The following DNAI7 variants were observed in gnomAD, a reference collection of about 807,000 sequenced individuals.
DNAI7 encodes dynein axonemal intermediate chain 7, also known as cancer susceptibility 1.
In DNAI7, 78 loss-of-function variants were observed where a neutral mutation model predicts 86.6. The ratio of observed to expected loss-of-function variants is 0.90; its 90% CI spans 0.75 to 1.09. The LOEUF (loss-of-function observed/expected upper bound fraction) is 1.09, where lower values mean the gene tolerates loss of function less well. Among genes scored for constraint, DNAI7 ranks in the 50% least tolerant of loss-of-function variants. DNAI7 has a pLI of 0.00. For synonymous variants in DNAI7, 274 were observed against 273.0 expected, an observed-to-expected ratio of 1.00 and a Z score of -0.04; for missense variants, 753 against 810.2, an observed-to-expected ratio of 0.93 and a Z score of 0.86.
chr12:25,108,486 G>T lies in DNAI7; in HGVS notation c.*62C>A. 1 of 1,410,502 alleles carries T rather than the reference G, an allele frequency of 7.1e-7. No individual in the cohort carries two copies. The highest frequency in any genetic ancestry group is 2.1e-5 in the Admixed American group (1 of 46,602). The allele number at this position is 1,410,502 out of a possible 1,614,324, so 87.4% of individuals were successfully genotyped here. A position where few individuals can be genotyped will look rare whatever the true frequency, so the allele number is the denominator to read the frequency against. On this transcript the variant is annotated 3_prime_UTR_variant, in exon 16 of 16. Coordinates refer to ENST00000395987, the MANE Select transcript of DNAI7 (RefSeq NM_018272.5). ...CATTCACTCATTACATTGTGTTGCA[G>T]AAATACCTGTCTTTCACCATGCTTG...
At chr12:25,120,317 G>GAGAGAGA (rs1941020491) in intron 11 of DNAI7, among the ~76,000 whole-genome samples, 4 of 80,766 alleles carry the variant, frequency 5.0e-5, no homozygotes, top group Admixed American at 1.6e-4. Context: ...GCAGGAAGAG[G>GAGAGAGA]GAGAGAGAGA....
chr12:25,127,168 A>G (rs1942263022), intron 9 of DNAI7, among the ~76,000 whole-genome samples: 1 of 152,198 alleles, frequency 6.6e-6, no homozygotes, highest in Non-Finnish European at 1.5e-5. Flanking sequence ...AAGCTCCTTA[A>G]TTTTGATAAC....
intron 9 of DNAI7, among the ~76,000 whole-genome samples, chr12:25,131,675 T>C (rs1396832419): frequency 1.3e-5 from 2 of 152,166 alleles, no homozygotes; most frequent in Non-Finnish European, 2.9e-5. Context: ...ATCTTAAGTA[T>C]CTCTCAAAAG....
rs540242728 is a variant in DNAI7 at position 25,168,536 on chromosome 12, C to A, written c.22-7339G>T. ...CCACAAACTTTATCAGTCCTCCAGG[C>A]CCAAGTTGACTCTTTAGCTGCAGTT... On this transcript the variant is annotated intron_variant, in intron 2 of 15. Coordinates refer to ENST00000395987, the MANE Select transcript of DNAI7 (RefSeq NM_018272.5). Among the ~76,000 whole-genome samples, 34 of 152,280 alleles carry A rather than the reference C, an allele frequency of 2.2e-4. 1 individual carries two copies. Among genetic ancestry groups the A allele is most frequent in the African/African-American group, 7.7e-4 (32 of 41,548 alleles).
intron 9 of DNAI7, among the ~76,000 whole-genome samples, chr12:25,130,832 A>G (rs1219681792): frequency 6.6e-6 from 1 of 152,120 alleles, no homozygotes; most frequent in Non-Finnish European, 1.5e-5. Flanking sequence ...AATACCTATA[A>G]TATTATTAGT....
chr12:25,123,802 C>T (rs1465732506), intron 9 of DNAI7, among the ~76,000 whole-genome samples: 1 of 152,120 alleles, frequency 6.6e-6, no homozygotes, highest in East Asian at 1.9e-4. Flanking sequence ...CCTTTCTGAC[C>T]TTGAGCAAGT....
chr12:25,158,692 G>A (rs1424200739), intron 3 of DNAI7, 129 bp from the exon 4 acceptor site: 1 of 1,494,456 alleles, frequency 6.7e-7, no homozygotes, highest in Non-Finnish European at 8.9e-7. Context: ...TTTATTACAT[G>A]GTAGATATGA....
intron 2 of DNAI7, among the ~76,000 whole-genome samples, chr12:25,174,389 G>GGATATATATATCATAT (rs1948564520): frequency 3.2e-4 from 1 of 3,164 alleles, no homozygotes; most frequent in African/African-American, 3.1e-3. Flanking sequence ...ATATATATGG[G>GGATATATATATCATAT]ATATATCATA....
chr12:25,179,093 C>A (rs1029897469), intron 2 of DNAI7, among the ~76,000 whole-genome samples: 1 of 152,090 alleles, frequency 6.6e-6, no homozygotes, highest in South Asian at 2.1e-4. Context: ...TTTTCCTTAA[C>A]AATAAGTTTA....
At chr12:25,186,422 T>C (rs1226035866) in intron 2 of DNAI7, among the ~76,000 whole-genome samples, 1 of 152,150 alleles carries the variant, frequency 6.6e-6, no homozygotes. Context: ...ACCAAAAAAA[T>C]CTCTCACAAT....
At chr12:25,153,399 T>C (rs918188482) in intron 6 of DNAI7, among the ~76,000 whole-genome samples, 3 of 152,134 alleles carry the variant, frequency 2.0e-5, no homozygotes, top group Middle Eastern at 3.2e-3. Flanking sequence ...CCAGCCTGGG[T>C]GACAGAGCGA....
chr12:25,159,278 T>C (rs1565764343), intron 3 of DNAI7, among the ~76,000 whole-genome samples: 1 of 152,176 alleles, frequency 6.6e-6, no homozygotes. Flanking sequence ...TGAGAATATT[T>C]ATTCGATTTG....
intron 13 of DNAI7, among the ~76,000 whole-genome samples, chr12:25,113,328 G>A (rs980684106): frequency 1.3e-5 from 2 of 151,766 alleles, no homozygotes; most frequent in African/African-American, 4.9e-5. Flanking sequence ...TTGAGATGGA[G>A]TCTTGCTCTG....
At chr12:25,141,757 G>A (rs1441662733) in intron 9 of DNAI7, among the ~76,000 whole-genome samples, 1 of 152,152 alleles carries the variant, frequency 6.6e-6, no homozygotes, top group East Asian at 1.9e-4. Flanking sequence ...TTGAACCTGG[G>A]AGGTGGAGGT....
chr12:25,123,134 T>G, intron 10 of DNAI7, 77 bp downstream of exon 10: 1 of 978,914 alleles, frequency 1.0e-6, no homozygotes. Context: ...CTGAATTTTT[T>G]TAACAATGAT....
chr12:25,162,639 A>G (rs758738898), intron 2 of DNAI7, among the ~76,000 whole-genome samples: 3 of 152,146 alleles, frequency 2.0e-5, no homozygotes, highest in Non-Finnish European at 4.4e-5. Flanking sequence ...CTCCACTGGA[A>G]TCTCTAATCC....
intron 1 of DNAI7, 94 bp downstream of exon 1, chr12:25,194,982 A>G: frequency 6.2e-7 from 1 of 1,614,246 alleles, no homozygotes; most frequent in Non-Finnish European, 8.5e-7. Context: ...GCTTCGCTGT[A>G]AAATATGACT....
At chr12:25,159,536 T>C (rs1251091606) in intron 3 of DNAI7, among the ~76,000 whole-genome samples, 3 of 152,108 alleles carry the variant, frequency 2.0e-5, no homozygotes, top group Non-Finnish European at 4.4e-5. Context: ...AAAAGGTTTA[T>C]AGCAATCCAA....
At position 25,111,919 on chromosome 12, in the gene DNAI7, A is replaced by G; in HGVS notation, c.1632T>C (p.Ser544=). 6.3e-7 allele frequency: 1 copy of G among 1,595,518 alleles called. No homozygotes were observed. Among genetic ancestry groups the G allele is most frequent in the Non-Finnish European group, 8.5e-7 (1 of 1,172,480 alleles). The change falls in exon 14 of 16, where the codon TCT becomes TCC. Residue 544 remains serine, a synonymous_variant. Transcript: ENST00000395987. ...GTTTCTTGTCTTTTAGTTTGATTGA[A>G]GATAACATGCAGAGGTTTTCCTAGT... ...IQIKENLCML[S]SIKLKDKKHI... is the part of the protein sequence containing the mutation.
Sources: gnomAD v4.1 joint callset for allele counts (sites outside exome capture counted in the v4.1 genomes callset) on GRCh38, gnomAD v4.1.1 for gene constraint, MANE v1.5 for transcripts, NCBI Gene and HGNC (gene_info 2026-07-23, HGNC 2026-07-21) for gene names.